The following PLXND1 variants were observed in gnomAD, a reference collection of about 807,000 sequenced individuals.
PLXND1 encodes plexin D1, also known as plexin-D1.
A neutral mutation model predicts 197.7 loss-of-function variants in PLXND1; 54 were observed. That is an observed-to-expected ratio of 0.27 (90% CI 0.22 to 0.34). The LOEUF is 0.34. PLXND1 is among the 10% of genes least tolerant of loss of function. The pLI is 1.00. For synonymous variants in PLXND1, 1,180 were observed against 1,161.2 expected (o/e 1.02, Z -0.33); for missense variants, 2,127 against 2,699.2 (o/e 0.79, Z 4.70).
rs115617514 is a variant in PLXND1, at chr3:129,604,298, C to A, written c.1311+1031G>T. ...CTGCCCACCCCAGCTGCCTGGGACG[C>A]CCCCAAAACACACGCACTCTGAGAT... On this transcript the variant is annotated intron_variant, in intron 1 of 35. Coordinates refer to ENST00000324093, the MANE Select transcript of PLXND1 (RefSeq NM_015103.3). Among the ~76,000 whole-genome samples, 726 of 152,268 alleles carry A rather than the reference C, an allele frequency of 4.8e-3. 5 individuals carry two copies. The highest frequency in any genetic ancestry group is 0.016 in the African/African-American group (663 of 41,546).
chr3:129,563,085 C>T lies in PLXND1; in HGVS notation c.4668+9G>A. On this transcript the variant is annotated intron_variant, in intron 26 of 35. Transcript: ENST00000324093. ...CAGCCCTGGGACCCTCCCCGCCCTG[C>T]CGACTTACCCGGGGCTTGGCCTCGA... 3.1e-6 allele frequency: 5 copies of T among 1,613,430 alleles called. No homozygotes were observed. Among genetic ancestry groups the T allele is most frequent in the Non-Finnish European group, 4.2e-6 (5 of 1,179,794 alleles).
At chr3:129,568,721 G>C in intron 20 of PLXND1, among the ~76,000 whole-genome samples, 1 of 152,086 alleles carries the variant, frequency 6.6e-6, no homozygotes, top group East Asian at 1.9e-4. Flanking sequence ...GGTAATTTTT[G>C]TATTTTTTGT....
In PLXND1 at chr3:129,582,344, C is replaced by T. The variant is rs574727575; in HGVS notation, c.2241+1223G>A. Reference sequence around the variant, plus strand: ...AGGCTGGGGCTGCAGAGGCTCTGGGCGCTGGGGCTGCTTCCCCGGGATGTG... The same window carrying T: ...AGGCTGGGGCTGCAGAGGCTCTGGGTGCTGGGGCTGCTTCCCCGGGATGTG... On this transcript the variant is annotated intron_variant, in intron 8 of 35. Transcript: ENST00000324093. Among the ~76,000 whole-genome samples, 14 of 152,340 alleles carry T rather than the reference C, an allele frequency of 9.2e-5. No homozygotes were observed. The South Asian group carries it at 1.9e-3, about 20-fold the overall frequency.
intron 13 of PLXND1, among the ~76,000 whole-genome samples, chr3:129,573,159 G>A (rs548924424): frequency 3.3e-4 from 50 of 152,286 alleles, no homozygotes; most frequent in Middle Eastern, 3.4e-3. Context: ...GGTAGATGAC[G>A]GCTCTTCCAC....
At position 129,571,250 on chromosome 3, in the gene PLXND1, C is replaced by G; in HGVS notation, c.3390G>C (p.Leu1130=). ...TLITCPSPGA[L]SNASAPVDFF... is the part of the protein sequence containing the mutation. ...AGTCCACTGGCGCTGATGCGTTGCT[C>G]AGGGCCCCGGGGGACGGGCAGGTGA... is the stretch of plus-strand genomic sequence containing the variant. The change falls in exon 18 of 36, where the codon CTG becomes CTC. Residue 1130 remains leucine (L), a synonymous_variant. Coordinates refer to ENST00000324093, the MANE Select transcript of PLXND1 (RefSeq NM_015103.3). The G allele has an allele frequency of 6.2e-7, 1 of 1,614,000 alleles. No homozygotes were observed.
At chr3:129,594,619 T>G (rs1471763096) in intron 1 of PLXND1, among the ~76,000 whole-genome samples, 2 of 152,180 alleles carry the variant, frequency 1.3e-5, no homozygotes, top group Non-Finnish European at 2.9e-5. Context: ...AAGAGAGCTT[T>G]TAAAACTGCA....
In PLXND1 at chr3:129,560,369, C is replaced by T. The variant is rs1282132415; in HGVS notation, c.5094G>A (p.Val1698=). 1.2e-6 allele frequency: 2 copies of T among 1,613,950 alleles called. No homozygotes were observed. The highest frequency in any genetic ancestry group is 2.7e-5 in the African/African-American group (2 of 75,048). Residue 1698 remains valine (V), a synonymous_variant, in exon 31 of 36, where the codon GTG becomes GTA. Coordinates refer to ENST00000324093, the MANE Select transcript of PLXND1 (RefSeq NM_015103.3). ...KSHRQSHRKK[V]LPEIYLTRLL... is the part of the protein sequence containing the mutation. ...GGCGGGTCAGGTAGATTTCCGGGAGCACCTTCTTGCGATGGCTCTGCCGGT... is the reference window on the plus strand; with the variant it reads ...GGCGGGTCAGGTAGATTTCCGGGAGTACCTTCTTGCGATGGCTCTGCCGGT...
Position 129,566,564 on chromosome 3 carries a change from T to C in PLXND1, c.4154A>G (p.Gln1385Arg), listed in dbSNP as rs763404746. ...SQTLNSQGSS[Q>R]AQETHPLLGE... ...CAGCAGTGGGTGGGTTTCCTGTGCC[T>C]GGGAGCTGCCCTGGGAGTTGAGGGT... The change falls in exon 23 of 36, where the codon CAG becomes CGG. Residue 1385 changes from glutamine to arginine, a missense_variant. This residue lies in a region of PLXND1 where 532 missense variants were observed against 811.0 expected (regional missense o/e 0.66). Coordinates refer to ENST00000324093, the MANE Select transcript of PLXND1 (RefSeq NM_015103.3). 43 of 1,613,268 alleles carry C rather than the reference T, an allele frequency of 2.7e-5. No homozygotes were observed. In the South Asian group the frequency reaches 4.0e-4, roughly 15 times the overall value.
Position 129,606,172 on chromosome 3 carries a change from G to A in PLXND1, c.468C>T (p.Ile156=), listed in dbSNP as rs1291513382. 6.5e-7 allele frequency: 1 copy of A among 1,542,840 alleles called. No individual in the cohort carries two copies. Among genetic ancestry groups the A allele is most frequent in the African/African-American group, 1.4e-5 (1 of 71,808 alleles). Residue 156 remains isoleucine (I), a synonymous_variant, in exon 1 of 36, where the codon ATC becomes ATT. Transcript: ENST00000324093. ...GFCQLRRRGN[I]SAVAVRFPPA... ...GCGGGAAGCGCACGGCCACGGCCGA[G>A]ATGTTGCCCCGGCGCCGCAGCTGGC...
In PLXND1 at chr3:129,606,024, G is replaced by A; in HGVS notation, c.616C>T (p.Arg206Cys). 2 of 1,603,522 alleles carry A rather than the reference G, an allele frequency of 1.2e-6. No homozygotes were observed. The highest frequency in any genetic ancestry group is 1.7e-6 in the Non-Finnish European group (2 of 1,177,292). Reference protein sequence around the residue: ...LPPAAGAGGSRLLVGATYTGY... With the variant: ...LPPAAGAGGSCLLVGATYTGY... ...GTGTACGTGGCGCCCACGAGCAGGCGGCTGCCCCCCGCGCCCGCGGCGGGA... is the reference window on the plus strand; with the variant it reads ...GTGTACGTGGCGCCCACGAGCAGGCAGCTGCCCCCCGCGCCCGCGGCGGGA... The change falls in exon 1 of 36, where the codon CGC becomes TGC. Residue 206 changes from arginine (R) to cysteine (C), a missense_variant. By Grantham distance (180) the Arg-to-Cys change is radical (BLOSUM62 -3). This residue lies in a region of PLXND1 where 1,095 missense variants were observed against 1,259.8 expected (regional missense o/e 0.87). Transcript: ENST00000324093.
intron 2 of PLXND1, 41 bp downstream of exon 2, chr3:129,589,310 T>TGGGCCCCCCCCCCCCCCCCCC: frequency 1.0e-5 from 5 of 501,290 alleles, no homozygotes; most frequent in Non-Finnish European, 7.6e-6. Flanking sequence ...CAGGGGAGCC[T>TGGGCCCCCCCCCCCCCCCCCC]CCCACCCCCA....
chr3:129,585,186 G>A (rs1223471089), intron 5 of PLXND1, among the ~76,000 whole-genome samples: 1 of 152,242 alleles, frequency 6.6e-6, no homozygotes, highest in South Asian at 2.1e-4. Context: ...AATGAATGAG[G>A]GAAGGACTCT....
At position 129,605,405 on chromosome 3, in the gene PLXND1, G is replaced by C; in HGVS notation, c.1235C>G (p.Ala412Gly). ...AARTACFVEP[A>G]PDVVAVLDSV... ...GTCGAGCACCGCCACCACGTCGGGC[G>C]CCGGTTCCACGAAGCAGGCGGTGCG... The change falls in exon 1 of 36, where the codon GCG (alanine) becomes GGG (glycine). Residue 412 changes from alanine to glycine, a missense_variant. Transcript: ENST00000324093. 6.7e-7 allele frequency: 1 copy of C among 1,500,250 alleles called. No individual in the cohort carries two copies. Among genetic ancestry groups the C allele is most frequent in the Non-Finnish European group, 8.8e-7 (1 of 1,132,524 alleles). The allele number at this position is 1,500,250 out of a possible 1,614,324, so 92.9% of individuals were successfully genotyped here. A position where few individuals can be genotyped will look rare whatever the true frequency, so the allele number is the denominator to read the frequency against.
In PLXND1 at chr3:129,569,924, T is replaced by C. The variant is rs750905119; in HGVS notation, c.3784A>G (p.Thr1262Ala). The change falls in exon 20 of 36, where the codon ACA becomes GCA. Residue 1262 changes from threonine (T) to alanine (A), a missense_variant. Transcript: ENST00000324093. ...QVGNFNQTIA[T>A]LQLGGSETAI... ...GTCTCGCTGCCCCCCAGCTGCAGTG[T>C]GGCGATGGTCTGGTTGAAGTTCCCT... is the stretch of plus-strand genomic sequence containing the variant. The C allele has an allele frequency of 4.7e-5, 75 of 1,612,880 alleles. No homozygotes were observed. The South Asian group carries it at 8.2e-4, about 18-fold the overall frequency.
At chr3:129,600,855 C>T (rs551426009) in intron 1 of PLXND1, among the ~76,000 whole-genome samples, 12 of 152,180 alleles carry the variant, frequency 7.9e-5, no homozygotes, top group South Asian at 2.1e-4. Flanking sequence ...TTCTTGACGA[C>T]GTGCACCCAC....
chr3:129,589,154 G>A (rs555411435), intron 2 of PLXND1, among the ~76,000 whole-genome samples, 197 bp downstream of exon 2: 16 of 152,270 alleles, frequency 1.1e-4, no homozygotes, highest in Non-Finnish European at 1.9e-4. Flanking sequence ...CTGTATGGAC[G>A]CCACCTATAT....
At chr3:129,573,041 C>A in intron 13 of PLXND1, 100 bp from the exon 14 acceptor site, 2 of 761,574 alleles carry the variant, frequency 2.6e-6, no homozygotes, top group Non-Finnish European at 4.5e-6. Context: ...GCCACACTTC[C>A]AATGCCTTCT....
chr3:129,560,527 G>A, intron 30 of PLXND1, 93 bp from the exon 31 acceptor site: 1 of 1,002,296 alleles, frequency 1.0e-6, no homozygotes, highest in Non-Finnish European at 1.6e-6. Context: ...TAGCACACAA[G>A]GGCTGTGGTT....
intron 22 of PLXND1, 136 bp from the exon 23 acceptor site, chr3:129,566,767 T>G: frequency 5.1e-6 from 3 of 593,674 alleles, no homozygotes; most frequent in Non-Finnish European, 9.0e-6. Context: ...CATAAAGGAC[T>G]AAGAGGCAGT....
Sources: gnomAD v4.1 joint callset for allele counts (sites outside exome capture counted in the v4.1 genomes callset) on GRCh38, gnomAD v4.1.1 for gene constraint, gnomAD v4.1.1 regional missense constraint, MANE v1.5 for transcripts, NCBI Gene and HGNC (gene_info 2026-07-23, HGNC 2026-07-21) for gene names.